Variants in HSPA8 observed in about 807,000 individuals in gnomAD.
HSPA8 encodes the protein heat shock cognate 71 kDa protein.
In HSPA8, 2 loss-of-function variants were observed where a neutral mutation model predicts 52.8. The observed-to-expected ratio is 0.04, with a 90% confidence interval of 0.02 to 0.12. The LOEUF is 0.12. HSPA8 is among the 10% of genes least tolerant of loss of function. The pLI is 1.00. For synonymous variants in HSPA8, 436 were observed against 274.0 expected (o/e 1.59, Z -5.84); for missense variants, 349 against 800.5 (o/e 0.44, Z 6.81).
Position 123,059,228 on chromosome 11 carries a change from G to T in HSPA8, c.1154C>A (p.Ser385Tyr), listed in dbSNP as rs1250487224. 1 of 1,612,764 alleles carries T rather than the reference G, an allele frequency of 6.2e-7. No individual in the cohort carries two copies. Among genetic ancestry groups the T allele is most frequent in the South Asian group, 1.1e-5 (1 of 91,008 alleles). ...VQAAILSGDK[S>Y]ENVQDLLLLD... ...GAGCAGCAAATCTTGAACATTCTCAGACTTGTCTCCAGACAAGATGGCTGC... is the reference window on the plus strand; with the variant it reads ...GAGCAGCAAATCTTGAACATTCTCATACTTGTCTCCAGACAAGATGGCTGC... Residue 385 changes from serine to tyrosine, a missense_variant, in exon 6 of 9, where the codon TCT (serine) becomes TAT (tyrosine). By Grantham distance (144) the Ser-to-Tyr change is moderately radical (BLOSUM62 -2). Transcript: ENST00000534624.
intron 8 of HSPA8, 100 bp from the exon 9 acceptor site, chr11:123,058,019 T>C (rs1865360169): frequency 4.2e-6 from 4 of 943,456 alleles, no homozygotes; most frequent in Non-Finnish European, 6.4e-6. Flanking sequence ...CGCAAACTCT[T>C]ACAAGAGGGC....
At position 123,058,411 on chromosome 11, in the gene HSPA8, C is replaced by A; in HGVS notation, c.1596G>T (p.Gln532His). Reference protein sequence around the residue: ...AEKYKAEDEKQRDKVSSKNSL... With the variant: ...AEKYKAEDEKHRDKVSSKNSL... ...AATTCTTGGATGACACCTTGTCCCT[C>A]TGCTTCTCATCTTCAGCTTTGTACT... is the stretch of plus-strand genomic sequence containing the variant. Residue 532 changes from glutamine (Q) to histidine (H), a missense_variant, in exon 8 of 9, where the codon CAG (glutamine) becomes CAT (histidine). Transcript: ENST00000534624. 1 of 1,614,074 alleles carries A rather than the reference C, an allele frequency of 6.2e-7. No individual in the cohort carries two copies. Among genetic ancestry groups the A allele is most frequent in the Non-Finnish European group, 8.5e-7 (1 of 1,180,020 alleles).
At position 123,060,717 on chromosome 11, in the gene HSPA8, T is replaced by C. The variant is rs777228127; in HGVS notation, c.287A>G (p.Asn96Ser). The C allele has an allele frequency of 2.5e-6, 4 of 1,613,898 alleles. No individual in the cohort carries two copies. Among genetic ancestry groups the C allele is most frequent in the African/African-American group, 1.3e-5 (1 of 74,896 alleles). The change falls in exon 3 of 9, where the codon AAT becomes AGT. Residue 96 changes from asparagine (N) to serine (S), a missense_variant. Asn to Ser is a conservative substitution (Grantham distance 46). Transcript: ENST00000534624. ...DMKHWPFMVV[N>S]DAGRPKVQVE... ...TTGGACCTTGGGCCTGCCAGCATCA[T>C]TCACCACCATAAAGGGCCAATGTTT...
upstream of HSPA8, chr11:123,062,423 G>C (rs1434367562): frequency 2.0e-5 from 3 of 152,336 alleles, no homozygotes; most frequent in Non-Finnish European, 4.4e-5. Flanking sequence ...GGCGCAGCGA[G>C]TCCGCGCGCG....
chr11:123,059,321 G>T, intron 5 of HSPA8, 60 bp from the exon 6 acceptor site: 1 of 1,463,308 alleles, frequency 6.8e-7, no homozygotes, highest in Non-Finnish European at 9.5e-7. Context: ...CATAGCTCCT[G>T]TTTTAACTAT....
intron 1 of HSPA8, 67 bp from the exon 2 acceptor site, chr11:123,061,396 A>G (rs1865495357): frequency 8.0e-7 from 1 of 1,251,272 alleles, no homozygotes. Context: ...CCCTTAACAG[A>G]ACACTTAACC....
chr11:123,059,644 C>T lies in HSPA8; in HGVS notation c.949G>A (p.Val317Ile), dbSNP rs1000333769. ...TTGGCATCTCGAAGGGCTTTCTCTACTGGGTCCAGGGTGCCACGGAACAGG... is the reference window on the plus strand; with the variant it reads ...TTGGCATCTCGAAGGGCTTTCTCTATTGGGTCCAGGGTGCCACGGAACAGG... Reference protein sequence around the residue: ...ADLFRGTLDPVEKALRDAKLD... With the variant: ...ADLFRGTLDPIEKALRDAKLD... The change falls in exon 5 of 9, where the codon GTA becomes ATA. Residue 317 changes from valine to isoleucine, a missense_variant. Coordinates refer to ENST00000534624, the MANE Select transcript of HSPA8 (RefSeq NM_006597.6). 6.2e-7 allele frequency: 1 copy of T among 1,614,024 alleles called. No homozygotes were observed. The highest frequency in any genetic ancestry group is 8.5e-7 in the Non-Finnish European group (1 of 1,180,016).
chr11:123,060,893 T>G (rs998656830), intron 2 of HSPA8, 95 bp from the exon 3 acceptor site: 1 of 1,160,510 alleles, frequency 8.6e-7, no homozygotes, highest in Non-Finnish European at 1.3e-6. Flanking sequence ...AGTTCATAGG[T>G]AGGTGAATTC....
chr11:123,058,435 C>T lies in HSPA8; in HGVS notation c.1572G>A (p.Lys524=), dbSNP rs371945853. ...DIERMVQEAE[K]YKAEDEKQRD... The stretch of plus-strand genomic sequence containing the variant: ...TCTGCTTCTCATCTTCAGCTTTGTA[C>T]TTCTCAGCTTCCTGGACCATACGTT... Residue 524 remains lysine, a synonymous_variant, in exon 8 of 9, where the codon AAG becomes AAA. Coordinates refer to ENST00000534624, the MANE Select transcript of HSPA8 (RefSeq NM_006597.6). 19 of 1,614,100 alleles carry T rather than the reference C, an allele frequency of 1.2e-5. No homozygotes were observed. Among genetic ancestry groups the T allele is most frequent in the Non-Finnish European group, 1.6e-5 (19 of 1,180,020 alleles).
rs551814072 is a variant in HSPA8, at chr11:123,058,049, G to A, written c.1756-130C>T. 16 of 770,308 alleles carry A rather than the reference G, an allele frequency of 2.1e-5. No individual in the cohort carries two copies. The East Asian group carries it at 2.8e-4, about 14-fold the overall frequency. 47.7% of individuals were successfully genotyped at this position (770,308 alleles called of 1,614,324 possible). ...GAGGGCCACTACCAACATTAAAATA[G>A]GGCCTTATTCTTCCTTAACATCTTG... On this transcript the variant is annotated intron_variant, in intron 8 of 8. Transcript: ENST00000534624.
At chr11:123,059,418 AG>A (rs1455127352) in intron 5 of HSPA8, 54 bp downstream of exon 5, 1 of 1,461,976 alleles carries the variant, frequency 6.8e-7, no homozygotes, top group Non-Finnish European at 9.4e-7. Context: ...CACTCATCAC[AG>A]CGAGTCACCT....
intron 2 of HSPA8, 140 bp downstream of exon 2, chr11:123,060,980 A>C (rs1314784739): frequency 4.4e-6 from 4 of 914,348 alleles, no homozygotes; most frequent in Non-Finnish European, 6.7e-6. Flanking sequence ...GGTTTCTACA[A>C]CCTGTTTTAT....
intron 7 of HSPA8, 57 bp downstream of exon 7, chr11:123,058,575 G>A: frequency 1.3e-6 from 2 of 1,573,180 alleles, no homozygotes; most frequent in African/African-American, 1.3e-5. Flanking sequence ...TTAGGCACCA[G>A]TAACTCAATT....
In HSPA8 at chr11:123,057,893, A is replaced by T. The variant is rs41487746; in HGVS notation, c.1782T>A (p.His594Gln). The part of the protein sequence containing the change: ...NQTAEKEEFE[H>Q]QQKELEKVCN... ...AAACTTTCTCCAGCTCTTTCTGTTGATGTTCAAATTCTTCCTTCTCAGCAG... is the reference window on the plus strand; with the variant it reads ...AAACTTTCTCCAGCTCTTTCTGTTGTTGTTCAAATTCTTCCTTCTCAGCAG... Residue 594 changes from histidine (H) to glutamine (Q), a missense_variant, in exon 9 of 9, where the codon CAT becomes CAA. By Grantham distance (24) the His-to-Gln change is conservative. Coordinates refer to ENST00000534624, the MANE Select transcript of HSPA8 (RefSeq NM_006597.6). 1.2e-6 allele frequency: 2 copies of T among 1,610,336 alleles called. No individual in the cohort carries two copies. The highest frequency in any genetic ancestry group is 1.7e-6 in the Non-Finnish European group (2 of 1,178,928).
At chr11:123,060,976 T>C (rs1367790397) in intron 2 of HSPA8, 144 bp downstream of exon 2, 5 of 911,448 alleles carry the variant, frequency 5.5e-6, no homozygotes, top group Non-Finnish European at 8.5e-6. Context: ...GAAAGGTTTC[T>C]ACAACCTGTT....
At chr11:123,061,436 T>C in intron 1 of HSPA8, 107 bp from the exon 2 acceptor site, 1 of 830,320 alleles carries the variant, frequency 1.2e-6, no homozygotes. Flanking sequence ...TGCCAAGAGG[T>C]AATAGTGCCC....
Position 123,057,579 on chromosome 11 carries a change from C to A in HSPA8, c.*155G>T, listed in dbSNP as rs2135436739. Reference sequence around the variant, plus strand: ...TTATAAAGTGCAATGTTATTTCCTTCCCCTGTGCATATGTTCCATATTCAA... The same window carrying A: ...TTATAAAGTGCAATGTTATTTCCTTACCCTGTGCATATGTTCCATATTCAA... On this transcript the variant is annotated 3_prime_UTR_variant, in exon 9 of 9. Transcript: ENST00000534624. 3.5e-6 allele frequency: 2 copies of A among 570,510 alleles called. No individual in the cohort carries two copies. Among genetic ancestry groups the A allele is most frequent in the Non-Finnish European group, 6.2e-6 (2 of 323,880 alleles). 35.3% of individuals were successfully genotyped at this position (570,510 alleles called of 1,614,324 possible).
At chr11:123,058,869 A>T (rs763006619) in intron 6 of HSPA8, 39 bp from the exon 7 acceptor site, 1 of 1,586,070 alleles carries the variant, frequency 6.3e-7, no homozygotes, top group Non-Finnish European at 8.7e-7. Context: ...AATGGACTCC[A>T]GGTCTGTGAC....
intron 7 of HSPA8, 46 bp from the exon 8 acceptor site, chr11:123,058,530 T>A: frequency 2.5e-6 from 4 of 1,586,290 alleles, no homozygotes; most frequent in Non-Finnish European, 3.5e-6. Flanking sequence ...ATTACCTGTG[T>A]ATGTGTAACT....
Sources: gnomAD v4.1 joint callset for allele counts on GRCh38, gnomAD v4.1.1 for gene constraint, MANE v1.5 for transcripts, NCBI Gene and HGNC (gene_info 2026-07-23, HGNC 2026-07-21) for gene names.